CELF2: variants seen among roughly 807,000 people sequenced by gnomAD.
The protein encoded by CELF2 is CUG triplet repeat RNA-binding protein 2.
A neutral mutation model predicts 62.6 loss-of-function variants in CELF2; 8 were observed. The ratio of observed to expected loss-of-function variants is 0.13; its 90% CI spans 0.07 to 0.23. The LOEUF is 0.23. Ranked by LOEUF, CELF2 falls within the 10% of genes least tolerant of loss-of-function variation. The probability of loss-of-function intolerance (pLI) is 1.00; values close to 1 mark genes in which losing one functional copy is unlikely to be tolerated. For synonymous variants in CELF2, 258 were observed against 250.0 expected (o/e 1.03, Z -0.30); for missense variants, 333 against 671.0 (o/e 0.50, Z 5.56).
intron 2 of CELF2, among the ~76,000 whole-genome samples, chr10:11,188,128 T>C (rs2075436387): frequency 1.3e-5 from 2 of 152,114 alleles, no homozygotes; most frequent in Non-Finnish European, 2.9e-5. Context: ...TTTTTGAGAC[T>C]GAGTTTCGCT....
the CELF2 span, among the ~76,000 whole-genome samples, chr10:10,575,860 A>G: frequency 6.6e-6 from 1 of 152,208 alleles, no homozygotes; most frequent in Non-Finnish European, 1.5e-5. Context: ...TCAACAACTG[A>G]AAAAAACATC....
the CELF2 span, among the ~76,000 whole-genome samples, chr10:10,676,143 A>C: frequency 6.6e-6 from 1 of 152,290 alleles, no homozygotes; most frequent in South Asian, 2.1e-4. Context: ...TCAGTCTTAC[A>C]GTGAGTTTGT....
chr10:10,574,038 C>A, the CELF2 span, among the ~76,000 whole-genome samples: 1 of 152,106 alleles, frequency 6.6e-6, no homozygotes, highest in Non-Finnish European at 1.5e-5. Context: ...TCACAGAGGA[C>A]CTCAGAAATT....
chr10:11,324,076 G>A lies in CELF2; in HGVS notation c.1295-1760G>A, dbSNP rs2095597752. Among the ~76,000 whole-genome samples the A allele has an allele frequency of 6.6e-6, 1 of 152,170 alleles. No individual in the cohort carries two copies. Among genetic ancestry groups the A allele is most frequent in the South Asian group, 2.1e-4 (1 of 4,828 alleles). Reference sequence around the variant, plus strand: ...GAGCAAAAGGACAAAACCTACTTGTGTGCGTTTACTGGTCTCTCTGTTTCC... The same window carrying A: ...GAGCAAAAGGACAAAACCTACTTGTATGCGTTTACTGGTCTCTCTGTTTCC... On this transcript the variant is annotated intron_variant, in intron 11 of 12. Transcript: ENST00000633077. This position sits in a 1 kb window ranked among gnomAD's most constrained non-coding sequence, Gnocchi z 4.7.
intron 1 of CELF2, among the ~76,000 whole-genome samples, chr10:10,854,863 C>T (rs551528237): frequency 6.8e-4 from 103 of 151,686 alleles, no homozygotes; most frequent in Admixed American, 1.8e-3. Context: ...TTGAGTCATA[C>T]CAGGATTGAA....
chr10:11,249,058 T>C, intron 3 of CELF2, 95 bp from the exon 4 acceptor site: 1 of 972,960 alleles, frequency 1.0e-6, no homozygotes. Flanking sequence ...TTATGTGCCC[T>C]TAAAACAGTA....
rs1185123132 is a variant in CELF2 at position 11,255,112 on chromosome 10, C to T, written c.404-2626C>T. Among the ~76,000 whole-genome samples the T allele has an allele frequency of 6.6e-6, 1 of 152,244 alleles. No individual in the cohort carries two copies. The highest frequency in any genetic ancestry group is 2.4e-5 in the African/African-American group (1 of 41,460). On this transcript the variant is annotated intron_variant, in intron 4 of 12. Transcript: ENST00000633077. The surrounding 1 kb of genome is among the most constrained non-coding windows in gnomAD (Gnocchi z 5.5). ...CTCTGGCTTAGCTGTCGCGCCTGTGCTGCCCATGACTGACCAGGCTTCACC... is the reference window on the plus strand; with the variant it reads ...CTCTGGCTTAGCTGTCGCGCCTGTGTTGCCCATGACTGACCAGGCTTCACC...
At chr10:10,481,482 C>T in the CELF2 span, among the ~76,000 whole-genome samples, 4 of 152,174 alleles carry the variant, frequency 2.6e-5, no homozygotes, top group Non-Finnish European at 5.9e-5. Context: ...AGAAAGTTCT[C>T]TCAACTCCAG....
chr10:11,116,329 G>T (rs1564806852), intron 1 of CELF2, among the ~76,000 whole-genome samples: 1 of 152,208 alleles, frequency 6.6e-6, no homozygotes, highest in African/African-American at 2.4e-5. Flanking sequence ...GCCTGAGTCT[G>T]TTGACTTAGT....
chr10:10,788,120 A>G, the CELF2 span, among the ~76,000 whole-genome samples: 46 of 152,324 alleles, frequency 3.0e-4, no homozygotes, highest in African/African-American at 1.1e-3. Flanking sequence ...AAAATTAGAC[A>G]AATTTTTGAA....
At chr10:10,706,874 T>C in the CELF2 span, among the ~76,000 whole-genome samples, 4 of 152,208 alleles carry the variant, frequency 2.6e-5, no homozygotes, top group Admixed American at 6.5e-5. Flanking sequence ...GCAAAGATAT[T>C]ACCATCTCTG....
Position 11,145,809 on chromosome 10 carries a change from G to A in CELF2, c.75-19677G>A, listed in dbSNP as rs1368196497. ...TGGTTGCACTACTGTAGCGTTCTGG[G>A]TGCTGGGGATCAGGTTAGGCCAGGT... On this transcript the variant is annotated intron_variant, in intron 1 of 12. Coordinates refer to ENST00000633077, the MANE Select transcript of CELF2 (RefSeq NM_001326342.2). This position sits in a 1 kb window ranked among gnomAD's most constrained non-coding sequence, Gnocchi z 4.3. 6.6e-6 allele frequency among the ~76,000 whole-genome samples: 1 copy of A among 152,184 alleles called. No individual in the cohort carries two copies. The highest frequency in any genetic ancestry group is 1.9e-4 in the East Asian group (1 of 5,200).
intron 1 of CELF2, among the ~76,000 whole-genome samples, chr10:10,810,454 G>A (rs535234895): frequency 1.8e-4 from 27 of 152,272 alleles, no homozygotes; most frequent in African/African-American, 6.0e-4. Flanking sequence ...GCAGCCTCAG[G>A]TAGCTGCTTT....
the CELF2 span, among the ~76,000 whole-genome samples, chr10:10,745,044 C>T: frequency 1.3e-5 from 2 of 151,034 alleles, no homozygotes; most frequent in East Asian, 2.0e-4. Context: ...TTATTCCTGC[C>T]GGAAACGTTT....
chr10:10,502,076 A>G, the CELF2 span, among the ~76,000 whole-genome samples: 4 of 152,172 alleles, frequency 2.6e-5, no homozygotes, highest in East Asian at 7.7e-4. Flanking sequence ...TGATTTTCCA[A>G]TGTTGAACCA....
rs2062894355 is a variant in CELF2, at chr10:11,046,602, TC to T, written c.74+28440del. Among the ~76,000 whole-genome samples, 1 of 152,188 alleles carries T rather than the reference TC, an allele frequency of 6.6e-6. No homozygotes were observed. On this transcript the variant is annotated intron_variant, in intron 1 of 12. Coordinates refer to ENST00000633077, the MANE Select transcript of CELF2 (RefSeq NM_001326342.2). This position sits in a 1 kb window ranked among gnomAD's most constrained non-coding sequence, Gnocchi z 4.6. ...TGTGGTCCCTGAAGTACGAGCTTTT[TC>T]ATAGACTCCAAGGTTCTCCTCATTT...
chr10:11,115,545 C>G (rs1490294571), intron 1 of CELF2, among the ~76,000 whole-genome samples: 1 of 152,126 alleles, frequency 6.6e-6, no homozygotes, highest in Non-Finnish European at 1.5e-5. Context: ...CCTACTTGTC[C>G]CTTTAGCTAT....
intron 1 of CELF2, among the ~76,000 whole-genome samples, chr10:10,884,395 A>T (rs1321693569): frequency 6.6e-6 from 1 of 152,162 alleles, no homozygotes; most frequent in African/African-American, 2.4e-5. Flanking sequence ...CCAATTTTGA[A>T]CTTAACCATT....
chr10:11,227,875 G>C lies in CELF2; in HGVS notation c.354+10368G>C, dbSNP rs1045539803. Among the ~76,000 whole-genome samples, 1 of 152,126 alleles carries C rather than the reference G, an allele frequency of 6.6e-6. No individual in the cohort carries two copies. Among genetic ancestry groups the C allele is most frequent in the Non-Finnish European group, 1.5e-5 (1 of 68,026 alleles). ...CTGGAGGCTTAACTGAGTGACTGTGGGTCGCTGGGTGTATTTTAATCTGTG... is the reference window on the plus strand; with the variant it reads ...CTGGAGGCTTAACTGAGTGACTGTGCGTCGCTGGGTGTATTTTAATCTGTG... On this transcript the variant is annotated intron_variant, in intron 3 of 12. Transcript: ENST00000633077. This position sits in a 1 kb window ranked among gnomAD's most constrained non-coding sequence, Gnocchi z 4.8.
Sources: gnomAD v4.1 joint callset for allele counts (sites outside exome capture counted in the v4.1 genomes callset) on GRCh38, gnomAD v4.1.1 for gene constraint, Gnocchi (gnomAD v3.1) non-coding constraint, MANE v1.5 for transcripts, NCBI Gene and HGNC (gene_info 2026-07-23, HGNC 2026-07-21) for gene names.